PRTG: variants seen among roughly 807,000 people sequenced by gnomAD.
The protein encoded by PRTG is immunoglobulin superfamily, DCC subclass, member 5.
A neutral mutation model predicts 122.5 loss-of-function variants in PRTG; 67 were observed. The ratio of observed to expected loss-of-function variants is 0.55; its 90% CI spans 0.45 to 0.67. The LOEUF is 0.67. Ranked by LOEUF, PRTG falls within the 30% of genes least tolerant of loss-of-function variation. PRTG has a pLI of 0.00. For synonymous variants in PRTG, 554 were observed against 501.1 expected, an observed-to-expected ratio of 1.11 and a Z score of -1.41; for missense variants, 1,435 against 1,415.4, an observed-to-expected ratio of 1.01 and a Z score of -0.22.
At chr15:55,738,866 G>A (rs2031521350) in intron 2 of PRTG, among the ~76,000 whole-genome samples, 1 of 138,768 alleles carries the variant, frequency 7.2e-6, no homozygotes, top group South Asian at 2.5e-4. Context: ...GGGGAGGGAA[G>A]GAAGGGACAG....
chr15:55,617,167 G>A lies in PRTG; in HGVS notation c.*2845C>T, dbSNP rs2059145212. 2 of 151,820 alleles carry A rather than the reference G, an allele frequency of 1.3e-5. No individual in the cohort carries two copies. Among genetic ancestry groups the A allele is most frequent in the Admixed American group, 1.3e-4 (2 of 15,232 alleles). The allele number at this position is 151,820 out of a possible 1,614,324, so 9.4% of individuals were successfully genotyped here. A position where few individuals can be genotyped will look rare whatever the true frequency, so the allele number is the denominator to read the frequency against. On this transcript the variant is annotated 3_prime_UTR_variant, in exon 20 of 20. Coordinates refer to ENST00000389286, the MANE Select transcript of PRTG (RefSeq NM_173814.6). ...GCTTGATTTGGTCAAGTAAAAAGAAGTCTTTGCTGTATTACTAAATATCTT... is the reference window on the plus strand; with the variant it reads ...GCTTGATTTGGTCAAGTAAAAAGAAATCTTTGCTGTATTACTAAATATCTT...
At chr15:55,739,719 G>A (rs2031550029) in intron 2 of PRTG, among the ~76,000 whole-genome samples, 1 of 152,178 alleles carries the variant, frequency 6.6e-6, no homozygotes. Flanking sequence ...TTGATCTGAT[G>A]GGGATGTTAA....
intron 11 of PRTG, among the ~76,000 whole-genome samples, chr15:55,665,507 GTT>G (rs372611832): frequency 2.6e-4 from 31 of 121,478 alleles, no homozygotes; most frequent in Non-Finnish European, 3.9e-4. Context: ...GGTTTTTTTT[GTT>G]TTTTTTTTTT....
At chr15:55,700,610 C>G (rs1259977648) in intron 2 of PRTG, among the ~76,000 whole-genome samples, 1 of 151,928 alleles carries the variant, frequency 6.6e-6, no homozygotes, top group Non-Finnish European at 1.5e-5. Context: ...AGGGAGACCC[C>G]ATCTCAACAA....
Position 55,618,779 on chromosome 15 carries a change from T to C in PRTG, c.*1233A>G, listed in dbSNP as rs542836147. 3.3e-5 allele frequency: 5 copies of C among 152,316 alleles called. No individual in the cohort carries two copies. Among genetic ancestry groups the C allele is most frequent in the Admixed American group, 6.5e-5 (1 of 15,294 alleles). 9.4% of individuals were successfully genotyped at this position (152,316 alleles called of 1,614,324 possible). On this transcript the variant is annotated 3_prime_UTR_variant, in exon 20 of 20. Transcript: ENST00000389286. ...TACTATACATCAAAATAGTTACTGA[T>C]AAAATCCAAGAAACTCTTAAGGCAA...
chr15:55,635,386 A>G (rs2059252336), intron 15 of PRTG, among the ~76,000 whole-genome samples: 1 of 152,088 alleles, frequency 6.6e-6, no homozygotes, highest in South Asian at 2.1e-4. Context: ...CACTGCGCCC[A>G]GCCTCTGTCT....
At chr15:55,676,986 T>C (rs1187530599) in intron 8 of PRTG, among the ~76,000 whole-genome samples, 2 of 152,136 alleles carry the variant, frequency 1.3e-5, no homozygotes, top group East Asian at 3.8e-4. Flanking sequence ...TATATCCCCA[T>C]CCTTAGGTGT....
chr15:55,637,497 A>G (rs2059264556), intron 14 of PRTG, among the ~76,000 whole-genome samples, 157 bp from the exon 15 acceptor site: 1 of 152,272 alleles, frequency 6.6e-6, no homozygotes, highest in Admixed American at 6.5e-5. Context: ...CTAAAGTACC[A>G]TTTTTCTTCT....
chr15:55,633,772 T>C (rs1036448320), intron 15 of PRTG, among the ~76,000 whole-genome samples: 8 of 152,246 alleles, frequency 5.3e-5, no homozygotes, highest in Admixed American at 1.3e-4. Flanking sequence ...AGTTGCTTTT[T>C]ACTGATTTAT....
At position 55,619,968 on chromosome 15, in the gene PRTG, T is replaced by C. The variant is rs778887066; in HGVS notation, c.*44A>G. ...GATGACACAGCAGGGTCTTCACACT[T>C]CCTCAATGCGGAATCTCCACCTGAA... is the stretch of plus-strand genomic sequence containing the variant. On this transcript the variant is annotated 3_prime_UTR_variant, in exon 20 of 20. Coordinates refer to ENST00000389286, the MANE Select transcript of PRTG (RefSeq NM_173814.6). 2.0e-5 allele frequency: 32 copies of C among 1,607,354 alleles called. No individual in the cohort carries two copies. The highest frequency in any genetic ancestry group is 2.6e-5 in the Non-Finnish European group (31 of 1,176,564).
intron 2 of PRTG, among the ~76,000 whole-genome samples, chr15:55,737,742 A>C (rs1332831411): frequency 1.3e-5 from 2 of 152,066 alleles, no homozygotes; most frequent in East Asian, 3.9e-4. Context: ...CTAAGTTTAG[A>C]GACCAAGACT....
Position 55,618,280 on chromosome 15 carries a change from C to G in PRTG, c.*1732G>C, listed in dbSNP as rs78267051. On this transcript the variant is annotated 3_prime_UTR_variant, in exon 20 of 20. Transcript: ENST00000389286. Reference sequence around the variant, plus strand: ...ACAGTCATTAGACTAGCAGATGATGCTGGGACTATTATCTGCTAATATTCC... The same window carrying G: ...ACAGTCATTAGACTAGCAGATGATGGTGGGACTATTATCTGCTAATATTCC... 2 of 152,218 alleles carry G rather than the reference C, an allele frequency of 1.3e-5. No individual in the cohort carries two copies. Among genetic ancestry groups the G allele is most frequent in the East Asian group, 1.9e-4 (1 of 5,186 alleles). 9.4% of individuals were successfully genotyped at this position (152,218 alleles called of 1,614,324 possible).
chr15:55,643,787 T>C (rs948893920), intron 11 of PRTG, among the ~76,000 whole-genome samples: 1 of 152,162 alleles, frequency 6.6e-6, no homozygotes, highest in African/African-American at 2.4e-5. Context: ...GTTATTTCCG[T>C]GACAAAGTAC....
rs2059142790 is a variant in PRTG, at chr15:55,616,591, A to G, written c.*3421T>C. 1 of 152,186 alleles carries G rather than the reference A, an allele frequency of 6.6e-6. No individual in the cohort carries two copies. 9.4% of individuals were successfully genotyped at this position (152,186 alleles called of 1,614,324 possible). A position where few individuals can be genotyped will look rare whatever the true frequency, so the allele number is the denominator to read the frequency against. Reference sequence around the variant, plus strand: ...CAGATTAAATGGAAAGTCCTCATGCATGTTATTTGTATACAGACTGTGTTC... The same window carrying G: ...CAGATTAAATGGAAAGTCCTCATGCGTGTTATTTGTATACAGACTGTGTTC... On this transcript the variant is annotated 3_prime_UTR_variant, in exon 20 of 20. Transcript: ENST00000389286.
chr15:55,693,601 T>C (rs1329417765), intron 2 of PRTG, among the ~76,000 whole-genome samples: 2 of 152,180 alleles, frequency 1.3e-5, no homozygotes, highest in Non-Finnish European at 2.9e-5. Context: ...AGAGTACAGA[T>C]ATTAAAATCC....
At chr15:55,727,325 TTAC>T (rs1389234805) in intron 2 of PRTG, among the ~76,000 whole-genome samples, 6 of 151,838 alleles carry the variant, frequency 4.0e-5, no homozygotes, top group East Asian at 1.9e-4. Context: ...CATGAAATTT[TTAC>T]TACTGACTTA....
chr15:55,622,863 A>G (rs534502919), intron 18 of PRTG, among the ~76,000 whole-genome samples: 23 of 152,184 alleles, frequency 1.5e-4, no homozygotes, highest in Admixed American at 4.6e-4. Flanking sequence ...AGCTCATTTA[A>G]AAGTTTTAGG....
At chr15:55,692,835 C>CTTTTTTTTTT (rs774248341) in intron 2 of PRTG, among the ~76,000 whole-genome samples, 2 of 74,976 alleles carry the variant, frequency 2.7e-5, no homozygotes. Flanking sequence ...AATGCAATCT[C>CTTTTTTTTTT]TTTTTTTTTT....
intron 2 of PRTG, among the ~76,000 whole-genome samples, chr15:55,703,703 T>C (rs1281118978): frequency 2.0e-5 from 3 of 152,224 alleles, no homozygotes; most frequent in African/African-American, 7.2e-5. Context: ...AAAATGAAGA[T>C]AAATCACTAT....
Sources: allele counts gnomAD v4.1 joint callset (sites outside exome capture counted in the v4.1 genomes callset), GRCh38; gene constraint gnomAD v4.1.1; transcripts MANE v1.5; gene names NCBI Gene and HGNC (gene_info 2026-07-23, HGNC 2026-07-21).